MYRFL: variants seen among roughly 807,000 people sequenced by gnomAD.
The protein encoded by MYRFL is myelin regulatory factor-like protein.
MYRFL carries 88 observed loss-of-function variants against 109.4 expected under a neutral mutation model. That is an observed-to-expected ratio of 0.80 (90% confidence interval 0.68 to 0.96). MYRFL has a LOEUF of 0.96. Ranked by LOEUF, MYRFL falls within the 40% of genes least tolerant of loss-of-function variation. The pLI, the probability that MYRFL is intolerant of heterozygous loss-of-function variation, is 0.00. For missense variants in MYRFL, 957 were observed against 954.9 expected, an observed-to-expected ratio of 1.00 and a Z score of -0.03; for synonymous variants, 324 against 320.9, an observed-to-expected ratio of 1.01 and a Z score of -0.10.
At chr12:69,913,820 T>C (rs984455780) in intron 13 of MYRFL, among the ~76,000 whole-genome samples, 1 of 152,242 alleles carries the variant, frequency 6.6e-6, no homozygotes, top group Non-Finnish European at 1.5e-5. Context: ...AATAGATCTT[T>C]CTATTTCTGC....
intron 16 of MYRFL, among the ~76,000 whole-genome samples, chr12:69,935,503 G>GTGA (rs1955420319): frequency 6.6e-6 from 1 of 152,234 alleles, no homozygotes; most frequent in Admixed American, 6.5e-5. Flanking sequence ...GTAAGTTCCA[G>GTGA]TGATGGGGGA....
chr12:69,860,294 G>T (rs1884563296), intron 2 of MYRFL, among the ~76,000 whole-genome samples: 1 of 152,110 alleles, frequency 6.6e-6, no homozygotes, highest in Non-Finnish European at 1.5e-5. Context: ...TCCTTTTTAT[G>T]GTTTTATAGT....
chr12:69,953,767 A>G (rs1172909971), intron 21 of MYRFL, among the ~76,000 whole-genome samples: 1 of 105,588 alleles, frequency 9.5e-6, no homozygotes, highest in Non-Finnish European at 2.1e-5. Context: ...CAACCCGGAC[A>G]CACACACACA....
intron 2 of MYRFL, among the ~76,000 whole-genome samples, chr12:69,857,214 C>G (rs993716429): frequency 1.3e-5 from 2 of 151,908 alleles, no homozygotes; most frequent in African/African-American, 4.8e-5. Flanking sequence ...TCATTCCTTT[C>G]CATTGATCTA....
chr12:69,830,282 T>C (rs1882550212), intron 1 of MYRFL, among the ~76,000 whole-genome samples: 1 of 151,328 alleles, frequency 6.6e-6, no homozygotes, highest in African/African-American at 2.4e-5. Context: ...TAGATATCTA[T>C]ATATAGATAA....
At chr12:69,866,842 T>G (rs1885046922) in intron 2 of MYRFL, among the ~76,000 whole-genome samples, 1 of 152,212 alleles carries the variant, frequency 6.6e-6, no homozygotes, top group African/African-American at 2.4e-5. Context: ...AAATGTTCCA[T>G]GGTCAGTAAA....
intron 13 of MYRFL, among the ~76,000 whole-genome samples, chr12:69,913,205 T>C (rs1954627599): frequency 6.6e-6 from 1 of 152,184 alleles, no homozygotes; most frequent in Admixed American, 6.5e-5. Flanking sequence ...TGGATATTAA[T>C]CCCTTATGAG....
chr12:69,957,883 A>G lies in MYRFL; in HGVS notation c.2512A>G (p.Ser838Gly). 2.6e-6 allele frequency: 4 copies of G among 1,535,048 alleles called. No homozygotes were observed. The highest frequency in any genetic ancestry group is 3.5e-6 in the Non-Finnish European group (4 of 1,146,072). ...KFTLGNICFHSKRGTKGLESH... is the reference protein window; with the variant it reads ...KFTLGNICFHGKRGTKGLESH... ...CACCCTTGGAAATATATGTTTCCAT[A>G]GTAAAAGGGGAACCAAAGGGCTGGA... The change falls in exon 23 of 25, where the codon AGT becomes GGT. Residue 838 changes from serine to glycine, a missense_variant. By Grantham distance (56) the Ser-to-Gly change is moderately conservative (BLOSUM62 0). Coordinates refer to ENST00000552032, the MANE Select transcript of MYRFL (RefSeq NM_182530.3).
At chr12:69,914,426 G>A (rs1050932832) in intron 13 of MYRFL, among the ~76,000 whole-genome samples, 10 of 152,136 alleles carry the variant, frequency 6.6e-5, no homozygotes, top group African/African-American at 2.4e-4. Flanking sequence ...CTGCCAAGGT[G>A]GGGGCTTATG....
chr12:69,932,441 C>A, intron 15 of MYRFL, 72 bp from the exon 16 acceptor site: 4 of 982,512 alleles, frequency 4.1e-6, no homozygotes, highest in Non-Finnish European at 6.2e-6. Context: ...CTGCTGGGAG[C>A]AGTTCTCCAG....
In MYRFL at chr12:69,828,329, A is replaced by G. The variant is rs1411397955; in HGVS notation, c.46+2766A>G. Reference sequence around the variant, plus strand: ...ATGTTCTTGGGGGATCAATAGTTTCAGTAAAAGCCATTTTTGCATTTATTT... The same window carrying G: ...ATGTTCTTGGGGGATCAATAGTTTCGGTAAAAGCCATTTTTGCATTTATTT... On this transcript the variant is annotated intron_variant, in intron 1 of 24. Coordinates refer to ENST00000552032, the MANE Select transcript of MYRFL (RefSeq NM_182530.3). Among the ~76,000 whole-genome samples, 4 of 152,160 alleles carry G rather than the reference A, an allele frequency of 2.6e-5. No individual in the cohort carries two copies. The East Asian group carries it at 7.7e-4, about 29-fold the overall frequency.
At chr12:69,952,585 T>C (rs1334607221) in intron 20 of MYRFL, among the ~76,000 whole-genome samples, 4 of 152,086 alleles carry the variant, frequency 2.6e-5, no homozygotes, top group African/African-American at 9.7e-5. Flanking sequence ...GAGCCTGAGT[T>C]TTTATTAGTT....
intron 10 of MYRFL, among the ~76,000 whole-genome samples, chr12:69,901,577 C>A (rs547192350): frequency 2.0e-5 from 3 of 152,260 alleles, no homozygotes; most frequent in Admixed American, 6.5e-5. Context: ...TAATAACTAT[C>A]CCAAAGCTCA....
chr12:69,894,280 G>C (rs1382500979), intron 8 of MYRFL, among the ~76,000 whole-genome samples: 1 of 152,144 alleles, frequency 6.6e-6, no homozygotes, highest in Non-Finnish European at 1.5e-5. Context: ...TTACAGGCGT[G>C]AGCCACAGTG....
At chr12:69,899,527 A>C (rs576866511) in intron 10 of MYRFL, among the ~76,000 whole-genome samples, 1 of 152,350 alleles carries the variant, frequency 6.6e-6, no homozygotes, top group African/African-American at 2.4e-5. Context: ...AATGGGAAGA[A>C]AAATTTGACA....
chr12:69,952,318 A>G, intron 20 of MYRFL, 143 bp downstream of exon 20: 4 of 702,790 alleles, frequency 5.7e-6, no homozygotes, highest in Non-Finnish European at 9.8e-6. Flanking sequence ...TGTGTGTTAT[A>G]ATCGATGCCA....
intron 2 of MYRFL, among the ~76,000 whole-genome samples, chr12:69,866,911 C>G (rs1008362855): frequency 6.6e-6 from 1 of 152,194 alleles, no homozygotes; most frequent in Non-Finnish European, 1.5e-5. Flanking sequence ...TGCAGGACTT[C>G]TCAGTGCCTT....
At chr12:69,921,741 G>T (rs549940543) in intron 13 of MYRFL, among the ~76,000 whole-genome samples, 1 of 152,130 alleles carries the variant, frequency 6.6e-6, no homozygotes, top group Non-Finnish European at 1.5e-5. Context: ...TTACCTATTG[G>T]ATCTACCTGT....
At position 69,879,361 on chromosome 12, in the gene MYRFL, C is replaced by A; in HGVS notation, c.372C>A (p.Ala124=). The change falls in exon 4 of 25, where the codon GCC becomes GCA. Residue 124 remains alanine, a synonymous_variant. Transcript: ENST00000552032. ...GCTTTCACAGCTGCCACTCAAACGC[C>A]AGTCATCTTGCCACCCCCCTGGACC... The part of the protein sequence containing the change: ...HGGFHSCHSN[A]SHLATPLDQS... 1.4e-6 allele frequency: 1 copy of A among 702,946 alleles called. No individual in the cohort carries two copies. The highest frequency in any genetic ancestry group is 2.7e-5 in the East Asian group (1 of 37,290). The allele number at this position is 702,946 out of a possible 1,614,324, so 43.5% of individuals were successfully genotyped here.
Sources: allele counts gnomAD v4.1 joint callset (sites outside exome capture counted in the v4.1 genomes callset), GRCh38; gene constraint gnomAD v4.1.1; transcripts MANE v1.5; gene names NCBI Gene and HGNC (gene_info 2026-07-23, HGNC 2026-07-21).